The following B4GALNT2 variants were observed in gnomAD, a reference collection of about 807,000 sequenced individuals.
B4GALNT2 encodes beta-1,4-N-acetyl-galactosaminyltransferase 2 (SID blood group), also known as N-acetylneuraminylgalactosylglucosyl-glucoside beta-1,4-N- acetylgalactosaminyltransferase 2.
A neutral mutation model predicts 51.1 loss-of-function variants in B4GALNT2; 42 were observed. The observed-to-expected ratio is 0.82, with a 90% CI of 0.64 to 1.06. The LOEUF (loss-of-function observed/expected upper bound fraction) is 1.06, where lower values mean the gene tolerates loss of function less well. Ranked by LOEUF, B4GALNT2 falls within the 50% of genes least tolerant of loss-of-function variation. The pLI is 0.00. For synonymous variants in B4GALNT2, 253 were observed against 251.7 expected, an observed-to-expected ratio of 1.01 and a Z score of -0.05; for missense variants, 602 against 633.6, an observed-to-expected ratio of 0.95 and a Z score of 0.54.
chr17:49,134,413 T>C (rs2042571376), intron 1 of B4GALNT2, among the ~76,000 whole-genome samples: 1 of 152,182 alleles, frequency 6.6e-6, no homozygotes, highest in Non-Finnish European at 1.5e-5. Context: ...TATATTATTA[T>C]CATTATTTTG....
rs538130317 is a variant in B4GALNT2, at chr17:49,175,733, G to T, written c.*6005G>T. ...AGCCTCTATATCACCCTCTCGTCTA[G>T]CTGGCTCAATTCCTGCCTGAATAGA... On this transcript the variant is annotated 3_prime_UTR_variant, in exon 11 of 11. Coordinates refer to ENST00000393354, the MANE Select transcript of B4GALNT2 (RefSeq NM_001159387.2). 3 of 152,316 alleles carry T rather than the reference G, an allele frequency of 2.0e-5. No homozygotes were observed. The East Asian group carries it at 5.8e-4, about 29-fold the overall frequency. The allele number at this position is 152,316 out of a possible 1,614,324, so 9.4% of individuals were successfully genotyped here. A position where few individuals can be genotyped will look rare whatever the true frequency, so the allele number is the denominator to read the frequency against.
At chr17:49,120,408 T>C in the B4GALNT2 span, among the ~76,000 whole-genome samples, 1 of 152,086 alleles carries the variant, frequency 6.6e-6, no homozygotes, top group African/African-American at 2.4e-5. Flanking sequence ...AACTAACATT[T>C]AACCAGAGGC....
the B4GALNT2 span, among the ~76,000 whole-genome samples, chr17:49,126,100 C>G: frequency 6.6e-6 from 1 of 152,020 alleles, no homozygotes; most frequent in Non-Finnish European, 1.5e-5. Flanking sequence ...GGATGGTTGC[C>G]GTGTCTGTGT....
rs2042977223 is a variant in B4GALNT2, at chr17:49,174,727, C to T, written c.*4999C>T. The T allele has an allele frequency of 6.6e-6, 1 of 152,126 alleles. No homozygotes were observed. The highest frequency in any genetic ancestry group is 6.6e-5 in the Admixed American group (1 of 15,258). The allele number at this position is 152,126 out of a possible 1,614,324, so 9.4% of individuals were successfully genotyped here. Reference sequence around the variant, plus strand: ...TTTACTTAGCAGTCATTGTTCTATCCAAATTGGCTCATCTGTTAACCATTT... The same window carrying T: ...TTTACTTAGCAGTCATTGTTCTATCTAAATTGGCTCATCTGTTAACCATTT... On this transcript the variant is annotated 3_prime_UTR_variant, in exon 11 of 11. Coordinates refer to ENST00000393354, the MANE Select transcript of B4GALNT2 (RefSeq NM_001159387.2).
At chr17:49,164,942 G>A (rs1036832008) in intron 8 of B4GALNT2, among the ~76,000 whole-genome samples, 1 of 152,056 alleles carries the variant, frequency 6.6e-6, no homozygotes, top group African/African-American at 2.4e-5. Context: ...CTCCCTAGTA[G>A]CTGGGACTAC....
intron 4 of B4GALNT2, 47 bp from the exon 5 acceptor site, chr17:49,156,519 G>A (rs758880608): frequency 1.9e-6 from 3 of 1,606,354 alleles, no homozygotes; most frequent in South Asian, 1.1e-5. Flanking sequence ...GGGGAGCTGC[G>A]ATGTCTTTCA....
In B4GALNT2 at chr17:49,159,137, G is replaced by T. The variant is rs1303822422; in HGVS notation, c.599G>T (p.Ser200Ile). ...RGQKQLIISTSDRKLLKFILQ... is the reference protein window; with the variant it reads ...RGQKQLIISTIDRKLLKFILQ... ...CAGAAGCAGCTGATCATTTCTACCA[G>T]TGACCGGAAGCTGTTGAAGTTCATT... Residue 200 changes from serine (S) to isoleucine (I), a missense_variant, in exon 6 of 11, where the codon AGT (serine) becomes ATT (isoleucine). Physicochemically the swap from Ser to Ile is moderately radical, Grantham distance 142 (BLOSUM62 -2). Coordinates refer to ENST00000393354, the MANE Select transcript of B4GALNT2 (RefSeq NM_001159387.2). 3.1e-6 allele frequency: 5 copies of T among 1,614,214 alleles called. No individual in the cohort carries two copies. In the South Asian group the frequency reaches 4.4e-5, roughly 14 times the overall value.
chr17:49,140,029 C>A (rs139545412), intron 1 of B4GALNT2, among the ~76,000 whole-genome samples: 44 of 149,470 alleles, frequency 2.9e-4, no homozygotes, highest in African/African-American at 1.1e-3. Context: ...TGTAACTTTG[C>A]CCTATATTAA....
In B4GALNT2 at chr17:49,168,850, G is replaced by A. The variant is rs187168801; in HGVS notation, c.1265G>A (p.Arg422Gln). The part of the protein sequence containing the change: ...VVNFFLAHTE[R>Q]LQRVGFDPRL... ...AACTTCTTCCTGGCCCACACGGAGC[G>A]ACTCCAAAGAGTTGGCTTTGATCCC... Residue 422 changes from arginine (R) to glutamine (Q), a missense_variant, in exon 10 of 11, where the codon CGA becomes CAA. Coordinates refer to ENST00000393354, the MANE Select transcript of B4GALNT2 (RefSeq NM_001159387.2). 2.8e-5 allele frequency: 45 copies of A among 1,613,440 alleles called. No individual in the cohort carries two copies. The East Asian group carries it at 3.1e-4, about 11-fold the overall frequency.
the B4GALNT2 span, among the ~76,000 whole-genome samples, chr17:49,126,176 G>C: frequency 1.3e-5 from 2 of 152,160 alleles, 1 homozygote; most frequent in African/African-American, 4.8e-5. Context: ...TCGGCCTTGG[G>C]ATCCTGTTGA....
the B4GALNT2 span, among the ~76,000 whole-genome samples, chr17:49,125,340 A>G: frequency 6.6e-6 from 1 of 151,948 alleles, no homozygotes; most frequent in Non-Finnish European, 1.5e-5. Flanking sequence ...TTGTATTTTT[A>G]ATAGAGACGG....
At position 49,164,323 on chromosome 17, in the gene B4GALNT2, G is replaced by A. The variant is rs536159479; in HGVS notation, c.954+48G>A. The stretch of plus-strand genomic sequence containing the variant: ...GGCACCTGCATTCCAGGACAAGAGG[G>A]CCCCAGGGTCAGGTTCTACCCTGGA... On this transcript the variant is annotated intron_variant, in intron 8 of 10. Coordinates refer to ENST00000393354, the MANE Select transcript of B4GALNT2 (RefSeq NM_001159387.2). 7.1e-6 allele frequency: 11 copies of A among 1,545,724 alleles called. No individual in the cohort carries two copies. The East Asian group carries it at 1.8e-4, about 25-fold the overall frequency.
intron 4 of B4GALNT2, among the ~76,000 whole-genome samples, chr17:49,155,755 G>T (rs1032644196): frequency 6.6e-6 from 1 of 150,920 alleles, no homozygotes; most frequent in Non-Finnish European, 1.5e-5. Context: ...ACGCAGTCTT[G>T]CTCTGTCGCC....
the B4GALNT2 span, among the ~76,000 whole-genome samples, chr17:49,125,636 G>A: frequency 0.5 from 74,777 of 148,752 alleles, 19,194 homozygotes; most frequent in Middle Eastern, 0.61. Context: ...GCCTCTGCCC[G>A]GCCGCGGCCC....
intron 5 of B4GALNT2, among the ~76,000 whole-genome samples, chr17:49,158,040 G>A (rs754654429): frequency 6.6e-6 from 1 of 152,158 alleles, no homozygotes; most frequent in Non-Finnish European, 1.5e-5. Flanking sequence ...GGGTGGAGAG[G>A]AGTAAGCCAG....
chr17:49,150,302 G>C (rs1567860090), intron 3 of B4GALNT2, among the ~76,000 whole-genome samples: 1 of 12,614 alleles, frequency 7.9e-5, no homozygotes, highest in Non-Finnish European at 1.5e-4. Context: ...AGGTGGGGGG[G>C]GTCAGCCCCC....
At chr17:49,163,474 G>A (rs2094738007) in intron 7 of B4GALNT2, among the ~76,000 whole-genome samples, 1 of 152,054 alleles carries the variant, frequency 6.6e-6, no homozygotes, top group South Asian at 2.1e-4. Flanking sequence ...TTAAGATGAA[G>A]GCCAGAAGCA....
At position 49,168,839 on chromosome 17, in the gene B4GALNT2, C is replaced by A; in HGVS notation, c.1254C>A (p.Ala418=). ...VTSGVVNFFL[A]HTERLQRVGF... ...GTGGCGTGGTCAACTTCTTCCTGGCCCACACGGAGCGACTCCAAAGAGTTG... is the reference window on the plus strand; with the variant it reads ...GTGGCGTGGTCAACTTCTTCCTGGCACACACGGAGCGACTCCAAAGAGTTG... Residue 418 remains alanine, a synonymous_variant, in exon 10 of 11, where the codon GCC becomes GCA. Transcript: ENST00000393354. 6.2e-7 allele frequency: 1 copy of A among 1,613,640 alleles called. No homozygotes were observed. Among genetic ancestry groups the A allele is most frequent in the Non-Finnish European group, 8.5e-7 (1 of 1,180,006 alleles).
At chr17:49,162,407 G>T (rs1252069383) in intron 7 of B4GALNT2, among the ~76,000 whole-genome samples, 1 of 152,062 alleles carries the variant, frequency 6.6e-6, no homozygotes, top group African/African-American at 2.4e-5. Context: ...CACATCAAAA[G>T]GTTTTGGACA....
Sources: gnomAD v4.1 joint callset for allele counts (sites outside exome capture counted in the v4.1 genomes callset) on GRCh38, gnomAD v4.1.1 for gene constraint, MANE v1.5 for transcripts, NCBI Gene and HGNC (gene_info 2026-07-23, HGNC 2026-07-21) for gene names.